Variants in XIRP2 observed in about 807,000 individuals in gnomAD.
XIRP2 encodes the protein xin actin-binding repeat-containing protein 2.
XIRP2 carries 236 observed loss-of-function variants against 277.0 expected under a neutral mutation model. The observed-to-expected ratio is 0.85, with a 90% CI of 0.77 to 0.95. XIRP2 has a LOEUF of 0.95. Ranked by LOEUF, XIRP2 falls within the 40% of genes least tolerant of loss-of-function variation. The probability of loss-of-function intolerance (pLI) is 0.00; values close to 1 mark genes in which losing one functional copy is unlikely to be tolerated. For missense variants in XIRP2, 4,640 were observed against 4,157.5 expected (o/e 1.12, Z -3.19); for synonymous variants, 1,490 against 1,416.5 (o/e 1.05, Z -1.17).
At chr2:166,979,534 A>T (rs1686813029) in intron 2 of XIRP2, among the ~76,000 whole-genome samples, 1 of 151,350 alleles carries the variant, frequency 6.6e-6, no homozygotes, top group African/African-American at 2.4e-5. Flanking sequence ...TAGAGATACT[A>T]TTTATCAGAC....
chr2:166,907,420 T>G lies in XIRP2; in HGVS notation c.408+3530T>G, dbSNP rs1379543530. Among the ~76,000 whole-genome samples the G allele has an allele frequency of 3.3e-5, 5 of 152,138 alleles. No homozygotes were observed. In the East Asian group the frequency reaches 5.8e-4, roughly 18 times the overall value. Reference sequence around the variant, plus strand: ...AGTGGGGTTAGAACATTAGTGGCTTTACAATTGTTTAGAAGTCTCTGATGA... The same window carrying G: ...AGTGGGGTTAGAACATTAGTGGCTTGACAATTGTTTAGAAGTCTCTGATGA... On this transcript the variant is annotated intron_variant, in intron 2 of 10. Coordinates refer to ENST00000409195, the MANE Select transcript of XIRP2 (RefSeq NM_152381.6).
intron 2 of XIRP2, among the ~76,000 whole-genome samples, chr2:167,072,816 A>G (rs910609101): frequency 6.6e-6 from 1 of 152,170 alleles, no homozygotes; most frequent in Non-Finnish European, 1.5e-5. Flanking sequence ...AAACATTTGC[A>G]GGACTGAAGA....
rs532894434 is a variant in XIRP2, at chr2:167,055,006, G to T, written c.409-80903G>T. On this transcript the variant is annotated intron_variant, in intron 2 of 10. Transcript: ENST00000409195. ...TCACTATTCTATGGGTTAGAATTTT[G>T]ATCAAAGCTAGCTGTAGGGTTCTTC... 2.0e-5 allele frequency among the ~76,000 whole-genome samples: 3 copies of T among 152,236 alleles called. No homozygotes were observed. The South Asian group carries it at 6.2e-4, about 32-fold the overall frequency.
intron 5 of XIRP2, among the ~76,000 whole-genome samples, chr2:167,239,198 CA>C (rs368524916): frequency 7.2e-5 from 11 of 152,152 alleles, no homozygotes; most frequent in Non-Finnish European, 1.6e-4. Flanking sequence ...AAAAAAAATA[CA>C]TATATATTTT....
chr2:166,995,480 G>A (rs1687196913), intron 2 of XIRP2, among the ~76,000 whole-genome samples: 1 of 152,194 alleles, frequency 6.6e-6, no homozygotes, highest in South Asian at 2.1e-4. Flanking sequence ...AGATGCAGAA[G>A]CAGTAAGAAC....
chr2:167,187,989 C>G (rs1225230423), intron 3 of XIRP2, among the ~76,000 whole-genome samples: 1 of 152,104 alleles, frequency 6.6e-6, no homozygotes, highest in Non-Finnish European at 1.5e-5. Context: ...GAAAATTATT[C>G]TTTTTCAGCC....
At position 167,249,744 on chromosome 2, in the gene XIRP2, G is replaced by C. The variant is rs779218463; in HGVS notation, c.8352G>C (p.Leu2784Phe). 1.6e-5 allele frequency: 26 copies of C among 1,613,164 alleles called. No individual in the cohort carries two copies. The highest frequency in any genetic ancestry group is 2.1e-5 in the Non-Finnish European group (25 of 1,179,748). Residue 2784 changes from leucine (L) to phenylalanine (F), a missense_variant, in exon 9 of 11, where the codon TTG becomes TTC. By Grantham distance (22) the Leu-to-Phe change is conservative. Transcript: ENST00000409195. ...AGGAGAAAAGAGTGACAGTACAATT[G>C]CCTACAGAATCCATACAGAAGAACC... ...PKKEKRVTVQLPTESIQKNQE... is the reference protein window; with the variant it reads ...PKKEKRVTVQFPTESIQKNQE...
chr2:167,182,061 C>A (rs1693032454), intron 3 of XIRP2, among the ~76,000 whole-genome samples: 1 of 152,112 alleles, frequency 6.6e-6, no homozygotes, highest in African/African-American at 2.4e-5. Context: ...AGACCTTATT[C>A]ATACTTTATT....
chr2:167,232,522 A>G (rs1224322365), intron 5 of XIRP2, among the ~76,000 whole-genome samples: 2 of 152,016 alleles, frequency 1.3e-5, no homozygotes, highest in East Asian at 3.9e-4. Flanking sequence ...CTCTGGTAAA[A>G]TTCATTGATG....
intron 2 of XIRP2, among the ~76,000 whole-genome samples, chr2:166,958,927 CTCT>C (rs1686235888): frequency 1.3e-5 from 2 of 151,710 alleles, no homozygotes; most frequent in Admixed American, 6.6e-5. Context: ...CTATTCCAAC[CTCT>C]TCTTTGTCAC....
chr2:167,197,863 C>A (rs572122098), intron 3 of XIRP2, among the ~76,000 whole-genome samples: 2 of 152,078 alleles, frequency 1.3e-5, no homozygotes, highest in Non-Finnish European at 2.9e-5. Flanking sequence ...GTGTTAAATT[C>A]TTTGTTGTTA....
intron 3 of XIRP2, among the ~76,000 whole-genome samples, chr2:167,194,191 C>T (rs1376053852): frequency 6.6e-6 from 1 of 151,758 alleles, no homozygotes; most frequent in African/African-American, 2.4e-5. Context: ...AAGTGATTCT[C>T]CTGCTTCAGC....
At chr2:167,018,346 T>C (rs1372986240) in intron 2 of XIRP2, among the ~76,000 whole-genome samples, 2 of 152,006 alleles carry the variant, frequency 1.3e-5, no homozygotes, top group African/African-American at 4.8e-5. Context: ...TTAATACTAT[T>C]TGTGTTAGTT....
chr2:166,939,700 AAAAAAC>A (rs1176805191), intron 2 of XIRP2, among the ~76,000 whole-genome samples: 48 of 146,690 alleles, frequency 3.3e-4, no homozygotes, highest in African/African-American at 9.5e-4. Context: ...AAAAAAAAAC[AAAAAAC>A]AAAAACAAAA....
chr2:166,984,251 C>G (rs910254994), intron 2 of XIRP2, among the ~76,000 whole-genome samples: 4 of 152,124 alleles, frequency 2.6e-5, no homozygotes, highest in Non-Finnish European at 4.4e-5. Context: ...AGCAATTTTA[C>G]TCTCATATTT....
At chr2:167,164,445 CAAAAAAAAAAA>C (rs36066566) in intron 3 of XIRP2, among the ~76,000 whole-genome samples, 23 of 46,636 alleles carry the variant, frequency 4.9e-4, no homozygotes, top group African/African-American at 1.6e-3. Context: ...GACTCCGTCT[CAAAAAAAAAAA>C]AAAAAAAAAA....
chr2:167,001,563 C>T (rs559427975), intron 2 of XIRP2, among the ~76,000 whole-genome samples: 1 of 152,184 alleles, frequency 6.6e-6, no homozygotes, highest in South Asian at 2.1e-4. Flanking sequence ...CGCTATCAGT[C>T]AGTGGTCACC....
chr2:167,057,525 G>A (rs1689067243), intron 2 of XIRP2, among the ~76,000 whole-genome samples: 1 of 152,132 alleles, frequency 6.6e-6, no homozygotes, highest in Non-Finnish European at 1.5e-5. Context: ...GCAAGCATTC[G>A]ATAAACAGTT....
intron 2 of XIRP2, among the ~76,000 whole-genome samples, chr2:167,087,605 G>T (rs1206758788): frequency 7.0e-6 from 1 of 143,080 alleles, no homozygotes; most frequent in East Asian, 2.0e-4. Context: ...CTCCATGGGC[G>T]TAGGACCCTC....
Sources: gnomAD v4.1 joint callset for allele counts (sites outside exome capture counted in the v4.1 genomes callset) on GRCh38, gnomAD v4.1.1 for gene constraint, MANE v1.5 for transcripts, NCBI Gene and HGNC (gene_info 2026-07-23, HGNC 2026-07-21) for gene names.